Variants in RBMS3 observed in about 807,000 individuals in gnomAD.
The protein encoded by RBMS3 is RNA-binding motif, single-stranded-interacting protein 3.
Under a neutral mutation model 66.8 loss-of-function variants are expected in RBMS3, and 27 were observed. The ratio of observed to expected loss-of-function variants is 0.40; its 90% CI spans 0.30 to 0.56. RBMS3 has a LOEUF of 0.56. Among genes scored for constraint, RBMS3 ranks in the 20% least tolerant of loss-of-function variants. The pLI, the probability that RBMS3 is intolerant of heterozygous loss-of-function variation, is 0.40. For missense variants in RBMS3, 513 were observed against 549.5 expected (o/e 0.93, Z 0.66); for synonymous variants, 188 against 183.0 (o/e 1.03, Z -0.22).
intron 1 of RBMS3, among the ~76,000 whole-genome samples, chr3:29,399,711 ATAT>A (rs2039719801): frequency 3.6e-4 from 23 of 64,170 alleles, no homozygotes; most frequent in Admixed American, 2.6e-3. Context: ...TAGAAAAGTA[ATAT>A]TTTTTTTAAC....
chr3:29,298,721 G>A (rs898536725), intron 1 of RBMS3, among the ~76,000 whole-genome samples: 4 of 151,598 alleles, frequency 2.6e-5, no homozygotes, highest in African/African-American at 7.2e-5. Context: ...GTCTCATGAC[G>A]TTTTGTGAAA....
At chr3:29,922,808 CAG>C (rs2060828517) in intron 10 of RBMS3, among the ~76,000 whole-genome samples, 1 of 152,160 alleles carries the variant, frequency 6.6e-6, no homozygotes, top group South Asian at 2.1e-4. Context: ...TATTCTACCA[CAG>C]AGAATTCACA....
intron 3 of RBMS3, among the ~76,000 whole-genome samples, chr3:29,503,536 T>G (rs1559417490): frequency 1.3e-5 from 2 of 152,052 alleles, no homozygotes; most frequent in Non-Finnish European, 2.9e-5. Flanking sequence ...TGAGTGGTCT[T>G]TCTCTGGCCT....
At chr3:29,421,779 T>C (rs761462760) in intron 1 of RBMS3, among the ~76,000 whole-genome samples, 18 of 152,170 alleles carry the variant, frequency 1.2e-4, no homozygotes, top group Admixed American at 5.2e-4. Context: ...TAATGTCCCA[T>C]TAAAGAAGGA....
intron 12 of RBMS3, 86 bp from the exon 13 acceptor site, chr3:29,988,057 G>T: frequency 1.8e-6 from 2 of 1,116,230 alleles, no homozygotes; most frequent in Non-Finnish European, 2.7e-6. Flanking sequence ...GGGCCCCATA[G>T]CTAAAGCAGT....
chr3:29,824,766 C>G (rs1209925044), intron 6 of RBMS3, among the ~76,000 whole-genome samples: 1 of 151,978 alleles, frequency 6.6e-6, no homozygotes, highest in Non-Finnish European at 1.5e-5. Context: ...AGCTCAGAAA[C>G]CATACAAGAA....
intron 6 of RBMS3, among the ~76,000 whole-genome samples, chr3:29,785,731 A>T (rs1482798095): frequency 1.3e-5 from 2 of 152,130 alleles, no homozygotes; most frequent in African/African-American, 4.8e-5. Context: ...CCCACAGCCA[A>T]CATTATACTG....
At chr3:29,489,771 G>C (rs1195875672) in intron 3 of RBMS3, among the ~76,000 whole-genome samples, 1 of 149,898 alleles carries the variant, frequency 6.7e-6, no homozygotes, top group Non-Finnish European at 1.5e-5. Context: ...ACTGCTGGGC[G>C]CGGTGGCTCA....
intron 4 of RBMS3, among the ~76,000 whole-genome samples, chr3:29,708,799 G>C (rs1487879605): frequency 1.3e-5 from 2 of 152,202 alleles, no homozygotes; most frequent in Non-Finnish European, 2.9e-5. Context: ...AAGGATGTGT[G>C]ACACTGACAT....
At chr3:29,371,608 G>A (rs569490346) in intron 1 of RBMS3, among the ~76,000 whole-genome samples, 104 of 152,310 alleles carry the variant, frequency 6.8e-4, no homozygotes, top group Middle Eastern at 3.4e-3. Context: ...ATGTATGAGT[G>A]TATATGAGAA....
intron 10 of RBMS3, among the ~76,000 whole-genome samples, chr3:29,915,364 A>G (rs76380420): frequency 6.6e-6 from 1 of 151,792 alleles, no homozygotes; most frequent in Admixed American, 6.6e-5. Flanking sequence ...CCAATGGCCA[A>G]CTTGAAAAAG....
chr3:29,384,435 T>TAATAAGAAGAAGAAGAAGAAGAAGAAG (rs776357215), intron 1 of RBMS3, among the ~76,000 whole-genome samples: 116 of 141,092 alleles, frequency 8.2e-4, no homozygotes, highest in Non-Finnish European at 1.4e-3. Context: ...ATAATAATAA[T>TAATAAGAAGAAGAAGAAGAAGAAGAAG]AAGAAGAAGA....
chr3:29,767,629 T>C (rs2055993019), intron 6 of RBMS3: 1 of 151,986 alleles, frequency 6.6e-6, no homozygotes, highest in Admixed American at 6.6e-5. Context: ...AATAACAATG[T>C]GTATGACTAT....
chr3:29,623,565 G>T (rs958722605), intron 4 of RBMS3, among the ~76,000 whole-genome samples: 6 of 146,532 alleles, frequency 4.1e-5, no homozygotes, highest in Non-Finnish European at 8.9e-5. Context: ...CTGCACTCCA[G>T]CCTAGGCGAC....
intron 2 of RBMS3, among the ~76,000 whole-genome samples, chr3:29,451,692 T>C (rs1230446473): frequency 1.3e-5 from 2 of 152,218 alleles, no homozygotes; most frequent in African/African-American, 2.4e-5. Flanking sequence ...TTTTTTCATC[T>C]TGGATCAGAA....
chr3:29,716,493 C>T (rs1192922585), intron 4 of RBMS3, among the ~76,000 whole-genome samples: 1 of 152,038 alleles, frequency 6.6e-6, no homozygotes, highest in Non-Finnish European at 1.5e-5. Flanking sequence ...GTGCCACCAC[C>T]CATAGATAAC....
At chr3:29,303,444 T>G (rs929810732) in intron 1 of RBMS3, among the ~76,000 whole-genome samples, 1 of 152,050 alleles carries the variant, frequency 6.6e-6, no homozygotes, top group African/African-American at 2.4e-5. Flanking sequence ...AACCTTAACC[T>G]CTAGGCCCCT....
intron 1 of RBMS3, among the ~76,000 whole-genome samples, chr3:29,303,513 C>T (rs2033812595): frequency 6.6e-6 from 1 of 151,970 alleles, no homozygotes; most frequent in South Asian, 2.1e-4. Flanking sequence ...ATTTTGCTTA[C>T]CTTTTCAAGT....
At chr3:29,371,314 C>G (rs767069810) in intron 1 of RBMS3, among the ~76,000 whole-genome samples, 1 of 152,220 alleles carries the variant, frequency 6.6e-6, no homozygotes, top group South Asian at 2.1e-4. Context: ...ATCTTTGAAA[C>G]AGAAACAGAC....
Sources: gnomAD v4.1 joint callset for allele counts (sites outside exome capture counted in the v4.1 genomes callset) on GRCh38, gnomAD v4.1.1 for gene constraint, MANE v1.5 for transcripts, NCBI Gene and HGNC (gene_info 2026-07-23, HGNC 2026-07-21) for gene names.